CCDC192: variants seen among roughly 807,000 people sequenced by gnomAD.
CCDC192 encodes coiled-coil domain-containing protein 192.
chr5:127,787,633 T>A (rs1028358882), intron 3 of CCDC192, among the ~76,000 whole-genome samples: 1 of 152,234 alleles, frequency 6.6e-6, no homozygotes. Flanking sequence ...TTGAGAATTA[T>A]TTTTATGAAC....
chr5:127,758,901 G>A (rs1754759658), intron 3 of CCDC192, among the ~76,000 whole-genome samples: 1 of 152,190 alleles, frequency 6.6e-6, no homozygotes, highest in African/African-American at 2.4e-5. Flanking sequence ...CTTTTGTGCT[G>A]AGACAAAAGA....
intron 3 of CCDC192, among the ~76,000 whole-genome samples, chr5:127,776,850 T>A (rs746339506): frequency 6.6e-6 from 1 of 152,204 alleles, no homozygotes; most frequent in Non-Finnish European, 1.5e-5. Flanking sequence ...AGCCTGCGCG[T>A]GCAGAGAAGT....
At chr5:127,760,266 G>GT (rs143610102) in intron 3 of CCDC192, among the ~76,000 whole-genome samples, 113,337 of 147,454 alleles carry the variant, frequency 0.77, 43,519 homozygotes, top group Non-Finnish European at 0.79. Flanking sequence ...TAATACAGTG[G>GT]TTTTTTTTTT....
intron 3 of CCDC192, among the ~76,000 whole-genome samples, chr5:127,792,525 CAT>C (rs34017962): frequency 0.034 from 4,856 of 141,142 alleles, 259 homozygotes; most frequent in African/African-American, 0.12. Flanking sequence ...ATCACCATCT[CAT>C]ATATATATAT....
intron 5 of CCDC192, among the ~76,000 whole-genome samples, chr5:127,872,052 T>A (rs2127128012): frequency 6.6e-6 from 1 of 152,320 alleles, no homozygotes; most frequent in East Asian, 1.9e-4. Context: ...TCATTTGATG[T>A]CTATGACTAA....
At chr5:127,918,421 G>A (rs1753593449) in intron 6 of CCDC192, among the ~76,000 whole-genome samples, 1 of 152,020 alleles carries the variant, frequency 6.6e-6, no homozygotes, top group African/African-American at 2.4e-5. Flanking sequence ...AACATAAGAA[G>A]AATCAAGCAT....
chr5:127,780,134 T>C (rs1179383234), intron 3 of CCDC192, among the ~76,000 whole-genome samples: 1 of 152,010 alleles, frequency 6.6e-6, no homozygotes, highest in Non-Finnish European at 1.5e-5. Context: ...TACACACACA[T>C]ATATATACAC....
At chr5:127,923,509 C>A (rs1434171197) in intron 6 of CCDC192, among the ~76,000 whole-genome samples, 1 of 152,066 alleles carries the variant, frequency 6.6e-6, no homozygotes, top group Non-Finnish European at 1.5e-5. Context: ...TCCCGAGTAG[C>A]TGGGACTACA....
intron 5 of CCDC192, among the ~76,000 whole-genome samples, chr5:127,811,578 G>A (rs185867540): frequency 2.0e-5 from 3 of 152,174 alleles, no homozygotes; most frequent in East Asian, 1.9e-4. Context: ...TTTTGTTCGC[G>A]AATGTGAAGA....
chr5:127,840,755 A>G (rs1750246178), intron 5 of CCDC192, among the ~76,000 whole-genome samples: 1 of 152,222 alleles, frequency 6.6e-6, no homozygotes. Flanking sequence ...CTAGTGAAAG[A>G]GAAAGAGTTA....
At chr5:127,780,136 T>C (rs1425818807) in intron 3 of CCDC192, among the ~76,000 whole-genome samples, 1 of 152,032 alleles carries the variant, frequency 6.6e-6, no homozygotes, top group Non-Finnish European at 1.5e-5. Context: ...CACACACATA[T>C]ATATACACAC....
At chr5:127,939,372 CT>C (rs944306841) in intron 6 of CCDC192, among the ~76,000 whole-genome samples, 7 of 152,090 alleles carry the variant, frequency 4.6e-5, no homozygotes, top group African/African-American at 9.7e-5. Flanking sequence ...CTGCTTCAGC[CT>C]CCCAAAGTGC....
chr5:127,709,253 C>G (rs1014118705), intron 2 of CCDC192, among the ~76,000 whole-genome samples: 1 of 130,426 alleles, frequency 7.7e-6, no homozygotes, highest in African/African-American at 2.8e-5. Flanking sequence ...GAGAGAAATG[C>G]TACACACTTT....
At chr5:127,738,846 G>A (rs1314215454) in intron 2 of CCDC192, among the ~76,000 whole-genome samples, 3 of 151,880 alleles carry the variant, frequency 2.0e-5, no homozygotes, top group Non-Finnish European at 2.9e-5. Context: ...ATTTTTTTCA[G>A]TTTTCAACTT....
chr5:127,834,001 G>T lies in CCDC192; in HGVS notation c.411+35839G>T, dbSNP rs531812498. On this transcript the variant is annotated intron_variant, in intron 5 of 6. Transcript: ENST00000514853. ...CCCAAAATATGCCACTTTGACATAA[G>T]AATTATTTTGAGCTGAGGGCAATTG... Among the ~76,000 whole-genome samples the T allele has an allele frequency of 5.3e-5, 8 of 152,194 alleles. No homozygotes were observed. The East Asian group carries it at 1.5e-3, about 29-fold the overall frequency.
intron 6 of CCDC192, among the ~76,000 whole-genome samples, chr5:127,889,694 G>A (rs1752674274): frequency 6.6e-6 from 1 of 152,110 alleles, no homozygotes; most frequent in Admixed American, 6.6e-5. Context: ...GAGCCACCAT[G>A]CCCAACCTCT....
At chr5:127,820,470 A>G (rs748903483) in intron 5 of CCDC192, among the ~76,000 whole-genome samples, 3 of 152,146 alleles carry the variant, frequency 2.0e-5, no homozygotes, top group Non-Finnish European at 2.9e-5. Flanking sequence ...AATCCCAGCT[A>G]CTCAGGAAGG....
At chr5:127,876,106 G>C (rs1452979398) in intron 6 of CCDC192, among the ~76,000 whole-genome samples, 1 of 122,360 alleles carries the variant, frequency 8.2e-6, no homozygotes, top group East Asian at 2.4e-4. Flanking sequence ...AAATGAACCA[G>C]AAACAAGCAG....
At chr5:127,751,896 G>C (rs1453460734) in intron 2 of CCDC192, among the ~76,000 whole-genome samples, 1 of 151,956 alleles carries the variant, frequency 6.6e-6, no homozygotes, top group Non-Finnish European at 1.5e-5. Flanking sequence ...CTTTCTTCCA[G>C]TTGATCGCAT....
Sources: gnomAD v4.1 joint callset for allele counts (sites outside exome capture counted in the v4.1 genomes callset) on GRCh38, gnomAD v4.1.1 for gene constraint, MANE v1.5 for transcripts, NCBI Gene and HGNC (gene_info 2026-07-23, HGNC 2026-07-21) for gene names.